ADGRL3: variants seen among roughly 807,000 people sequenced by gnomAD.
ADGRL3 encodes calcium-independent alpha-latrotoxin receptor 3.
In ADGRL3, 62 loss-of-function variants were observed where a neutral mutation model predicts 153.5. The observed-to-expected ratio is 0.40, with a 90% CI of 0.33 to 0.50. The LOEUF (loss-of-function observed/expected upper bound fraction) is 0.50. Among genes scored for constraint, ADGRL3 ranks in the 20% least tolerant of loss-of-function variants. The pLI is 0.47. For missense variants in ADGRL3, 1,641 were observed against 1,859.4 expected (o/e 0.88, Z 2.16); for synonymous variants, 710 against 672.5 (o/e 1.06, Z -0.86).
intron 1 of ADGRL3, among the ~76,000 whole-genome samples, chr4:61,369,345 A>C (rs2151666629): frequency 6.6e-6 from 1 of 152,346 alleles, no homozygotes; most frequent in East Asian, 1.9e-4. Flanking sequence ...TTGCCCATTG[A>C]GTATGAGATT....
At chr4:61,339,668 TA>T (rs977376078) in intron 1 of ADGRL3, among the ~76,000 whole-genome samples, 133 of 152,296 alleles carry the variant, frequency 8.7e-4, no homozygotes, top group African/African-American at 2.9e-3. Flanking sequence ...ATTACAATTT[TA>T]AAAAAATTCT....
chr4:61,668,429 G>T (rs1250846807), intron 5 of ADGRL3, among the ~76,000 whole-genome samples: 1 of 152,198 alleles, frequency 6.6e-6, no homozygotes, highest in Non-Finnish European at 1.5e-5. Context: ...AAGACTTTAA[G>T]TTAGTGGTAG....
At chr4:61,686,856 A>G (rs142161554) in intron 6 of ADGRL3, among the ~76,000 whole-genome samples, 7 of 152,066 alleles carry the variant, frequency 4.6e-5, no homozygotes, top group Non-Finnish European at 7.4e-5. Flanking sequence ...CCTCTATGAA[A>G]TCAACATTTT....
chr4:61,657,399 T>G (rs2094470998), intron 5 of ADGRL3, among the ~76,000 whole-genome samples: 1 of 152,024 alleles, frequency 6.6e-6, no homozygotes, highest in African/African-American at 2.4e-5. Context: ...TATATATATA[T>G]ATGCCTTAGG....
intron 1 of ADGRL3, among the ~76,000 whole-genome samples, chr4:61,232,718 T>C (rs1751254830): frequency 6.6e-6 from 1 of 152,146 alleles, no homozygotes; most frequent in South Asian, 2.1e-4. Flanking sequence ...TTAAGACATG[T>C]CAGGTAAGAC....
At chr4:61,540,288 C>T (rs1350715237) in intron 4 of ADGRL3, among the ~76,000 whole-genome samples, 1 of 152,156 alleles carries the variant, frequency 6.6e-6, no homozygotes, top group Non-Finnish European at 1.5e-5. Flanking sequence ...GTGGCTTATG[C>T]CTGTAATCCC....
At chr4:61,897,085 C>G (rs2098635900) in intron 11 of ADGRL3, among the ~76,000 whole-genome samples, 1 of 152,108 alleles carries the variant, frequency 6.6e-6, no homozygotes, top group Admixed American at 6.5e-5. Context: ...CTTTTCTTTT[C>G]TCTGCAGCCC....
chr4:61,828,855 T>C (rs1206887338), intron 9 of ADGRL3, among the ~76,000 whole-genome samples: 1 of 152,224 alleles, frequency 6.6e-6, no homozygotes, highest in Non-Finnish European at 1.5e-5. Context: ...CCTTCTCCTG[T>C]TAAATGCATC....
At chr4:61,504,680 G>A (rs563485978) in intron 3 of ADGRL3, among the ~76,000 whole-genome samples, 1 of 151,752 alleles carries the variant, frequency 6.6e-6, no homozygotes, top group Non-Finnish European at 1.5e-5. Context: ...CCCATCCTCT[G>A]GTAACCATCA....
chr4:61,929,236 T>C (rs1034431782), intron 13 of ADGRL3, among the ~76,000 whole-genome samples: 2 of 152,132 alleles, frequency 1.3e-5, no homozygotes, highest in Non-Finnish European at 2.9e-5. Flanking sequence ...AATTTGTTTC[T>C]CCCTTGTACC....
At chr4:61,253,328 G>T (rs565263031) in intron 1 of ADGRL3, among the ~76,000 whole-genome samples, 56 of 152,200 alleles carry the variant, frequency 3.7e-4, no homozygotes, top group African/African-American at 1.3e-3. Context: ...TTTATTATTT[G>T]GTAATTTACT....
At chr4:62,007,838 G>T (rs531934147) in intron 21 of ADGRL3, among the ~76,000 whole-genome samples, 2 of 152,186 alleles carry the variant, frequency 1.3e-5, no homozygotes, top group African/African-American at 2.4e-5. Flanking sequence ...GAGATTGAGG[G>T]TAGATAGTGA....
intron 2 of ADGRL3, among the ~76,000 whole-genome samples, chr4:61,392,784 T>G (rs1048400665): frequency 2.0e-5 from 3 of 146,754 alleles, no homozygotes; most frequent in Non-Finnish European, 3.0e-5. Flanking sequence ...AATTTGGTCA[T>G]CTAGTATACA....
At position 62,076,878 on chromosome 4, in the gene ADGRL3, AATAC is replaced by A. The variant is rs1747318979; in HGVS notation, c.*5974_*5977del. The A allele has an allele frequency of 6.6e-6, 1 of 151,662 alleles. No individual in the cohort carries two copies. Among genetic ancestry groups the A allele is most frequent in the African/African-American group, 2.4e-5 (1 of 41,388 alleles). 9.4% of individuals were successfully genotyped at this position (151,662 alleles called of 1,614,324 possible). On this transcript the variant is annotated 3_prime_UTR_variant, in exon 27 of 27. Transcript: ENST00000683033. The stretch of plus-strand genomic sequence containing the variant: ...TTAAAGCTCTATTATGAATCTTTCT[AATAC>A]ATATGAAATTAATATTATATTAGAA...
intron 1 of ADGRL3, among the ~76,000 whole-genome samples, chr4:61,256,074 C>G (rs1274761500): frequency 6.6e-6 from 1 of 152,052 alleles, no homozygotes; most frequent in African/African-American, 2.4e-5. Flanking sequence ...GTCAAAGGGT[C>G]CAGGGGACTG....
chr4:61,532,545 C>CGTGTGTGTGT lies in ADGRL3; in HGVS notation c.259+15028_259+15029insTGTGTGTGTG, dbSNP rs1470514639. Among the ~76,000 whole-genome samples, 466 of 77,308 alleles carry CGTGTGTGTGT rather than the reference C, an allele frequency of 6.0e-3. 3 individuals carry two copies. Among genetic ancestry groups the CGTGTGTGTGT allele is most frequent in the African/African-American group, 0.02 (441 of 22,452 alleles). 50.7% of individuals were successfully genotyped at this position (77,308 alleles called of 152,430 possible). A position where few individuals can be genotyped will look rare whatever the true frequency, so the allele number is the denominator to read the frequency against. ...AGGATGCTGCATGCGCGCGCGCGCG[C>CGTGTGTGTGT]GCGCGCGCGCGTGTGTGTGTGTGTG... On this transcript the variant is annotated intron_variant, in intron 4 of 26. Coordinates refer to ENST00000683033, the MANE Select transcript of ADGRL3 (RefSeq NM_001387552.1).
chr4:61,495,508 AGGAAGGGGAAGGGAAGAGAAT>A (rs1351076287), intron 2 of ADGRL3, among the ~76,000 whole-genome samples: 5 of 151,300 alleles, frequency 3.3e-5, no homozygotes, highest in African/African-American at 1.2e-4. Flanking sequence ...AGGGAAGGGA[AGGAAGGGGAAGGGAAGAGAAT>A]GGAAGGAAGA....
At chr4:61,437,619 TCA>T (rs1380538667) in intron 2 of ADGRL3, among the ~76,000 whole-genome samples, 4 of 152,328 alleles carry the variant, frequency 2.6e-5, no homozygotes, top group African/African-American at 4.8e-5. Context: ...CGTACTGATC[TCA>T]GAGTCTTCTT....
intron 1 of ADGRL3, among the ~76,000 whole-genome samples, chr4:61,219,306 T>C (rs1190945080): frequency 6.6e-6 from 1 of 152,230 alleles, no homozygotes; most frequent in African/African-American, 2.4e-5. Context: ...TTATTCTGTA[T>C]CCAGTTGTTT....
Sources: allele counts gnomAD v4.1 joint callset (sites outside exome capture counted in the v4.1 genomes callset), GRCh38; gene constraint gnomAD v4.1.1; transcripts MANE v1.5; gene names NCBI Gene and HGNC (gene_info 2026-07-23, HGNC 2026-07-21).